Variants in TMEM132E observed in about 807,000 individuals in gnomAD.
The protein encoded by TMEM132E is transmembrane protein 132E.
In TMEM132E, 49 loss-of-function variants were observed where a neutral mutation model predicts 78.5. That is an observed-to-expected ratio of 0.62 (90% CI 0.50 to 0.79). The LOEUF (loss-of-function observed/expected upper bound fraction) is 0.79. Among genes scored for constraint, TMEM132E ranks in the 30% least tolerant of loss-of-function variants. The pLI is 0.00. For synonymous variants in TMEM132E, 715 were observed against 670.6 expected (o/e 1.07, Z -1.02); for missense variants, 1,403 against 1,470.9 (o/e 0.95, Z 0.75).
intron 5 of TMEM132E, among the ~76,000 whole-genome samples, chr17:34,632,501 C>T (rs1782283049): frequency 6.6e-6 from 1 of 152,244 alleles, no homozygotes; most frequent in African/African-American, 2.4e-5. Flanking sequence ...CCAGTGGGCA[C>T]CAAGAGGTGA....
At chr17:34,615,283 G>A (rs1267989030) in intron 1 of TMEM132E, among the ~76,000 whole-genome samples, 1 of 152,106 alleles carries the variant, frequency 6.6e-6, no homozygotes, top group Non-Finnish European at 1.5e-5. Flanking sequence ...CAAGTTAGCT[G>A]AGCTTGATTC....
intron 1 of TMEM132E, among the ~76,000 whole-genome samples, chr17:34,588,945 G>A (rs1397755460): frequency 2.6e-5 from 4 of 152,130 alleles, no homozygotes; most frequent in Non-Finnish European, 5.9e-5. Flanking sequence ...GTAGAGATGG[G>A]GTTTCACCAT....
chr17:34,624,361 T>A (rs1194763276), intron 1 of TMEM132E, among the ~76,000 whole-genome samples: 1 of 152,154 alleles, frequency 6.6e-6, no homozygotes, highest in African/African-American at 2.4e-5. Flanking sequence ...TCAGTGTAGA[T>A]CAGCCATGAT....
intron 1 of TMEM132E, among the ~76,000 whole-genome samples, chr17:34,603,676 G>A (rs973680537): frequency 2.6e-5 from 4 of 152,154 alleles, no homozygotes; most frequent in Non-Finnish European, 4.4e-5. Context: ...CCTCTGGCCA[G>A]CTCTTCCCCC....
rs1179347288 is a variant in TMEM132E, at chr17:34,581,248, C to A, written c.67+105C>A. ...GCACCCACACCCCCTGGACTCGCAG[C>A]CGCCACTCCGGGTTTGGCGTCTCTG... On this transcript the variant is annotated intron_variant, in intron 1 of 8. Transcript: ENST00000631683. 4 of 1,069,260 alleles carry A rather than the reference C, an allele frequency of 3.7e-6. No individual in the cohort carries two copies. The South Asian group carries it at 6.2e-5, about 17-fold the overall frequency. 66.2% of individuals were successfully genotyped at this position (1,069,260 alleles called of 1,614,324 possible).
At chr17:34,582,816 G>C (rs1210417180) in intron 1 of TMEM132E, among the ~76,000 whole-genome samples, 1 of 152,136 alleles carries the variant, frequency 6.6e-6, no homozygotes, top group Non-Finnish European at 1.5e-5. Flanking sequence ...CCTGAGTCTA[G>C]GTGGGTTCTT....
At chr17:34,588,275 C>G (rs563845760) in intron 1 of TMEM132E, among the ~76,000 whole-genome samples, 1 of 152,296 alleles carries the variant, frequency 6.6e-6, no homozygotes. Context: ...AACAAGGACC[C>G]ACTACCCACT....
At chr17:34,600,981 C>T (rs1208005490) in intron 1 of TMEM132E, among the ~76,000 whole-genome samples, 3 of 152,194 alleles carry the variant, frequency 2.0e-5, no homozygotes, top group Admixed American at 1.3e-4. Context: ...AGAAGAAGGG[C>T]TGGTCTCCAC....
intron 7 of TMEM132E, among the ~76,000 whole-genome samples, chr17:34,635,533 C>A (rs1907492302): frequency 6.6e-6 from 1 of 152,114 alleles, no homozygotes; most frequent in African/African-American, 2.4e-5. Context: ...AACAATTGAT[C>A]CAATGTGTTT....
At chr17:34,613,216 C>CGCGCGCGCGT (rs1906665803) in intron 1 of TMEM132E, among the ~76,000 whole-genome samples, 1 of 150,280 alleles carries the variant, frequency 6.7e-6, no homozygotes, top group African/African-American at 2.4e-5. Flanking sequence ...CACACACGCG[C>CGCGCGCGCGT]GCGCGCGCGC....
At chr17:34,589,103 G>A (rs1421565130) in intron 1 of TMEM132E, among the ~76,000 whole-genome samples, 1 of 152,220 alleles carries the variant, frequency 6.6e-6, no homozygotes, top group African/African-American at 2.4e-5. Context: ...GGGTGTGTAT[G>A]TCAGGGGAGG....
At chr17:34,595,466 G>A (rs906120571) in intron 1 of TMEM132E, among the ~76,000 whole-genome samples, 9 of 152,194 alleles carry the variant, frequency 5.9e-5, no homozygotes, top group African/African-American at 2.2e-4. Flanking sequence ...CATACAGCTG[G>A]CACTAGATCA....
rs748597408 is a variant in TMEM132E, at chr17:34,629,035, T to A, written c.1169T>A (p.Ile390Asn). The A allele has an allele frequency of 1.1e-5, 18 of 1,576,844 alleles. No homozygotes were observed. The highest frequency in any genetic ancestry group is 1.6e-5 in the Non-Finnish European group (18 of 1,158,328). The change falls in exon 4 of 9, where the codon ATC becomes AAC. Residue 390 changes from isoleucine (I) to asparagine (N), a missense_variant. Around this residue, in one of 3 missense-constraint regions of TMEM132E, gnomAD observed 888 missense variants for 952.8 expected, o/e 0.93. Transcript: ENST00000631683. Reference sequence around the variant, plus strand: ...AGGGAGGGCCAGGGCCCCTTGGAGATCTTGCAGCTGGACTTTGAAATGGAG... The same window carrying A: ...AGGGAGGGCCAGGGCCCCTTGGAGAACTTGCAGCTGGACTTTGAAATGGAG... ...PPREGQGPLE[I>N]LQLDFEMENF...
At chr17:34,627,466 T>TCGTGTGTGCGTGCGCGCACGCGCGCG (rs1301258773) in intron 2 of TMEM132E, among the ~76,000 whole-genome samples, 2 of 24,986 alleles carry the variant, frequency 8.0e-5, no homozygotes, top group Admixed American at 4.7e-4. Flanking sequence ...GCCAAAAGAA[T>TCGTGTGTGCGTGCGCGCACGCGCGCG]CGTGTGTGTG....
Position 34,580,993 on chromosome 17 carries a change from G to C in TMEM132E, c.-84G>C. 1 of 1,217,292 alleles carries C rather than the reference G, an allele frequency of 8.2e-7. No individual in the cohort carries two copies. Among genetic ancestry groups the C allele is most frequent in the Non-Finnish European group, 1.1e-6 (1 of 889,076 alleles). The allele number at this position is 1,217,292 out of a possible 1,614,324, so 75.4% of individuals were successfully genotyped here. ...GACAGCCGGGCGCCACGGCAGCCCT[G>C]AGTTGGATGTGACCAAGCCCAGCCT... is the stretch of plus-strand genomic sequence containing the variant. On this transcript the variant is annotated 5_prime_UTR_variant, in exon 1 of 9. Transcript: ENST00000631683.
At chr17:34,585,289 G>A (rs535342717) in intron 1 of TMEM132E, among the ~76,000 whole-genome samples, 13 of 152,338 alleles carry the variant, frequency 8.5e-5, no homozygotes, top group African/African-American at 3.1e-4. Context: ...GGACTTGGGT[G>A]TCTCCTAGGC....
In TMEM132E at chr17:34,634,933, G is replaced by A. The variant is rs1471876791; in HGVS notation, c.1823G>A (p.Gly608Asp). The A allele has an allele frequency of 6.2e-7, 1 of 1,614,156 alleles. No homozygotes were observed. The highest frequency in any genetic ancestry group is 1.3e-5 in the African/African-American group (1 of 75,044). ...CAGTTCCACACGACATCATCCGAGG[G>A]CACTGACCAGGTGGTCACCATGTTA... ...FTQFHTTSSEGTDQVVTMLGP... is the reference protein window; with the variant it reads ...FTQFHTTSSEDTDQVVTMLGP... The change falls in exon 7 of 9, where the codon GGC becomes GAC. Residue 608 changes from glycine (G) to aspartate (D), a missense_variant. Physicochemically the swap from Gly to Asp is moderately conservative, Grantham distance 94 (BLOSUM62 -1). Transcript: ENST00000631683.
At chr17:34,618,350 G>A (rs149717701) in intron 1 of TMEM132E, among the ~76,000 whole-genome samples, 10,547 of 151,458 alleles carry the variant, frequency 0.07, 531 homozygotes, top group Non-Finnish European at 0.099. Flanking sequence ...TGATCCTCCT[G>A]TCTCAGCCTC....
intron 1 of TMEM132E, among the ~76,000 whole-genome samples, chr17:34,620,206 G>A (rs1906914440): frequency 6.6e-6 from 1 of 152,182 alleles, no homozygotes; most frequent in East Asian, 1.9e-4. Context: ...TCTGGGAGAG[G>A]CAGAGGGCCC....
Sources: gnomAD v4.1 joint callset for allele counts (sites outside exome capture counted in the v4.1 genomes callset) on GRCh38, gnomAD v4.1.1 for gene constraint, gnomAD v4.1.1 regional missense constraint, MANE v1.5 for transcripts, NCBI Gene and HGNC (gene_info 2026-07-23, HGNC 2026-07-21) for gene names.